The following CELF2 variants were observed in gnomAD, a reference collection of about 807,000 sequenced individuals.
CELF2 encodes CUG triplet repeat RNA-binding protein 2.
CELF2 carries 8 observed loss-of-function variants against 62.6 expected under a neutral mutation model. That is an observed-to-expected ratio of 0.13 (90% CI 0.07 to 0.23). CELF2 has a LOEUF of 0.23. CELF2 is among the 10% of genes least tolerant of loss of function. The pLI, the probability that CELF2 is intolerant of heterozygous loss-of-function variation, is 1.00. For synonymous variants in CELF2, 258 were observed against 250.0 expected, an observed-to-expected ratio of 1.03 and a Z score of -0.30; for missense variants, 333 against 671.0, an observed-to-expected ratio of 0.50 and a Z score of 5.56.
intron 2 of CELF2, among the ~76,000 whole-genome samples, chr10:11,209,735 G>A (rs56273256): frequency 6.6e-6 from 1 of 151,396 alleles, no homozygotes; most frequent in Non-Finnish European, 1.5e-5. Flanking sequence ...GTGCATGGCA[G>A]ATTCGCTTGA....
intron 1 of CELF2, among the ~76,000 whole-genome samples, chr10:11,052,901 C>T (rs1383449537): frequency 6.6e-6 from 1 of 152,166 alleles, no homozygotes. Flanking sequence ...TACAATATCA[C>T]ACAACTGGTC....
the CELF2 span, among the ~76,000 whole-genome samples, chr10:10,491,080 G>A: frequency 5.3e-5 from 8 of 152,178 alleles, no homozygotes; most frequent in African/African-American, 1.2e-4. Context: ...AAATCTGATC[G>A]CAGCTAGAAA....
In CELF2 at chr10:11,214,714, G is replaced by T. The variant is rs1186123952; in HGVS notation, c.272-2711G>T. On this transcript the variant is annotated intron_variant, in intron 2 of 12. Transcript: ENST00000633077. The surrounding 1 kb of genome is among the most constrained non-coding windows in gnomAD (Gnocchi z 4.2). Reference sequence around the variant, plus strand: ...CGGTATCCTCCTGCGTGTCACACTGGAACTAGAGCTTCTCTTGGCATGATG... The same window carrying T: ...CGGTATCCTCCTGCGTGTCACACTGTAACTAGAGCTTCTCTTGGCATGATG... Among the ~76,000 whole-genome samples the T allele has an allele frequency of 1.3e-5, 2 of 152,324 alleles. No homozygotes were observed. The highest frequency in any genetic ancestry group is 2.4e-5 in the African/African-American group (1 of 41,576).
chr10:11,059,945 C>A (rs572787112), intron 1 of CELF2, among the ~76,000 whole-genome samples: 1 of 152,328 alleles, frequency 6.6e-6, no homozygotes, highest in East Asian at 1.9e-4. Context: ...AATAGATGCT[C>A]AAAAGCCGTT....
chr10:10,485,095 AG>A, the CELF2 span, among the ~76,000 whole-genome samples: 19 of 152,068 alleles, frequency 1.2e-4, no homozygotes, highest in African/African-American at 4.3e-4. Flanking sequence ...TGATCTGCCA[AG>A]GGGATTGGCC....
At chr10:10,794,072 G>A (rs925439710), upstream of CELF2, among the ~76,000 whole-genome samples, 1 of 152,082 alleles carries the variant, frequency 6.6e-6, no homozygotes, top group African/African-American at 2.4e-5. Context: ...ATGCACACGG[G>A]GTGTGCTGTA....
At chr10:10,495,813 A>G in the CELF2 span, among the ~76,000 whole-genome samples, 1 of 152,172 alleles carries the variant, frequency 6.6e-6, no homozygotes, top group African/African-American at 2.4e-5. Flanking sequence ...GCGTGAGCTC[A>G]CTGATGGTCA....
chr10:10,907,637 GTTTTATTTTATTTTA>G lies in CELF2; in HGVS notation c.54-12312_54-12298del, dbSNP rs146857310. On this transcript the variant is annotated intron_variant, in intron 1 of 13. Transcript: ENST00000636488. ...TTTACTGTTGATTCCATTTCTGTTGGTTTTATTTTATTTTATTTTATTTTATTTTTTTAGTGATTA... is the reference window on the plus strand; with the variant it reads ...TTTACTGTTGATTCCATTTCTGTTGGTTTTATTTTATTTTTTTAGTGATTA... Among the ~76,000 whole-genome samples, 145 of 150,872 alleles carry G rather than the reference GTTTTATTTTATTTTA, an allele frequency of 9.6e-4. 1 individual carries two copies. The highest frequency in any genetic ancestry group is 3.3e-3 in the African/African-American group (134 of 41,058).
At chr10:10,985,082 G>A (rs1398402491) in intron 2 of CELF2, among the ~76,000 whole-genome samples, 1 of 152,100 alleles carries the variant, frequency 6.6e-6, no homozygotes, top group Admixed American at 6.5e-5. Flanking sequence ...TTTTGGCTGG[G>A]AATTAGGAAA....
At chr10:10,942,416 G>A (rs1015504550) in intron 2 of CELF2, among the ~76,000 whole-genome samples, 42 of 152,252 alleles carry the variant, frequency 2.8e-4, no homozygotes, top group Middle Eastern at 3.4e-3. Context: ...GAAGGATTCC[G>A]TTTCTTATGG....
chr10:11,026,331 C>T (rs560779233), intron 1 of CELF2, among the ~76,000 whole-genome samples: 7 of 152,274 alleles, frequency 4.6e-5, no homozygotes, highest in South Asian at 4.2e-4. Context: ...TTCACAAGCC[C>T]GGAAGTGGGT....
chr10:10,636,553 A>C, the CELF2 span, among the ~76,000 whole-genome samples: 2 of 152,218 alleles, frequency 1.3e-5, no homozygotes, highest in Non-Finnish European at 2.9e-5. Flanking sequence ...GAAATGGGGA[A>C]AATACTATGG....
Position 11,280,390 on chromosome 10 carries a change from C to A in CELF2, c.841+5270C>A, listed in dbSNP as rs1014524583. ...CTCACCCAGATGCCCTGGCTGGTGT[C>A]CGCACATCAGGCCAGTGCCTTTCCC... On this transcript the variant is annotated intron_variant, in intron 8 of 12. Transcript: ENST00000633077. The surrounding 1 kb of genome is among the most constrained non-coding windows in gnomAD (Gnocchi z 7.6). Among the ~76,000 whole-genome samples, 16 of 152,190 alleles carry A rather than the reference C, an allele frequency of 1.1e-4. No individual in the cohort carries two copies. Among genetic ancestry groups the A allele is most frequent in the African/African-American group, 3.9e-4 (16 of 41,446 alleles).
chr10:10,732,520 C>CTTT, the CELF2 span, among the ~76,000 whole-genome samples: 9 of 110,386 alleles, frequency 8.2e-5, no homozygotes, highest in Non-Finnish European at 1.5e-4. Context: ...ACTCACTCTC[C>CTTT]TTTTTTTTTT....
At chr10:10,790,883 G>A in the CELF2 span, among the ~76,000 whole-genome samples, 3 of 152,076 alleles carry the variant, frequency 2.0e-5, no homozygotes, top group Non-Finnish European at 4.4e-5. Context: ...AAGGAATTCA[G>A]TAGGACTCTC....
intron 8 of CELF2, among the ~76,000 whole-genome samples, chr10:11,287,453 C>T (rs2139600730): frequency 6.6e-6 from 1 of 152,324 alleles, no homozygotes; most frequent in African/African-American, 2.4e-5. Context: ...TAGATTGTTG[C>T]CCCAAATCTC....
In CELF2 at chr10:11,229,121, G is replaced by A. The variant is rs2067683370; in HGVS notation, c.354+11614G>A. Among the ~76,000 whole-genome samples the A allele has an allele frequency of 3.3e-5, 5 of 152,298 alleles. 1 individual carries two copies. In the East Asian group the frequency reaches 9.7e-4, roughly 29 times the overall value. The stretch of plus-strand genomic sequence containing the variant: ...GAGATGCTGAAGGTCACACCAGTCA[G>A]TGCTGGGGTGAGTACAGATCACATC... On this transcript the variant is annotated intron_variant, in intron 3 of 12. Coordinates refer to ENST00000633077, the MANE Select transcript of CELF2 (RefSeq NM_001326342.2).
the CELF2 span, among the ~76,000 whole-genome samples, chr10:10,736,282 T>C: frequency 6.6e-6 from 1 of 152,200 alleles, no homozygotes; most frequent in Non-Finnish European, 1.5e-5. Context: ...TGGTCCACTC[T>C]CTAGCTTAGG....
chr10:10,516,934 C>CT, the CELF2 span, among the ~76,000 whole-genome samples: 1 of 152,052 alleles, frequency 6.6e-6, no homozygotes, highest in Non-Finnish European at 1.5e-5. Flanking sequence ...GCACCCACCT[C>CT]TTTTTTCTCC....
Sources: allele counts gnomAD v4.1 joint callset (sites outside exome capture counted in the v4.1 genomes callset), GRCh38; gene constraint gnomAD v4.1.1; non-coding constraint Gnocchi (gnomAD v3.1); transcripts MANE v1.5; gene names NCBI Gene and HGNC (gene_info 2026-07-23, HGNC 2026-07-21).